Variants in RWDD4 observed in about 807,000 individuals in gnomAD.
RWDD4 encodes RWD domain-containing protein 4.
In RWDD4, 16 loss-of-function variants were observed where a neutral mutation model predicts 30.0. The observed-to-expected ratio is 0.53, with a 90% CI of 0.36 to 0.81. The LOEUF (loss-of-function observed/expected upper bound fraction) is 0.81, where lower values mean the gene tolerates loss of function less well. Among genes scored for constraint, RWDD4 ranks in the 30% least tolerant of loss-of-function variants. RWDD4 has a pLI of 0.00. For synonymous variants in RWDD4, 45 were observed against 72.1 expected, an observed-to-expected ratio of 0.62 and a Z score of 1.90; for missense variants, 170 against 223.9, an observed-to-expected ratio of 0.76 and a Z score of 1.54.
chr4:183,645,346 C>G (rs1419391009), intron 7 of RWDD4, among the ~76,000 whole-genome samples: 3 of 152,040 alleles, frequency 2.0e-5, no homozygotes, highest in Admixed American at 2.0e-4. Context: ...GAAACTACAG[C>G]TAATACAAGA....
intron 4 of RWDD4, 77 bp from the exon 5 acceptor site, chr4:183,649,645 T>G (rs2111239753): frequency 1.4e-6 from 1 of 713,320 alleles, no homozygotes; most frequent in Admixed American, 2.6e-5. Flanking sequence ...TATCCTGAAG[T>G]GGGTTGATAA....
At chr4:183,655,431 G>A (rs1048917213) in intron 2 of RWDD4, among the ~76,000 whole-genome samples, 7 of 151,594 alleles carry the variant, frequency 4.6e-5, no homozygotes, top group South Asian at 4.2e-4. Context: ...ACAGGCGCCC[G>A]CCACCATGCC....
intron 1 of RWDD4, among the ~76,000 whole-genome samples, chr4:183,658,042 T>TA (rs1734245474): frequency 6.6e-6 from 1 of 152,246 alleles, no homozygotes; most frequent in Non-Finnish European, 1.5e-5. Context: ...CGCATTCACT[T>TA]AGAAATTCAC....
chr4:183,653,381 C>T (rs1734122414), intron 2 of RWDD4, among the ~76,000 whole-genome samples: 1 of 151,240 alleles, frequency 6.6e-6, no homozygotes. Context: ...CCAGCCTGGG[C>T]AACACAGCAA....
intron 2 of RWDD4, among the ~76,000 whole-genome samples, chr4:183,651,711 T>C (rs1734080215): frequency 6.6e-6 from 1 of 152,136 alleles, no homozygotes; most frequent in Non-Finnish European, 1.5e-5. Context: ...TCGACACACC[T>C]CATCTTTGTT....
intron 2 of RWDD4, among the ~76,000 whole-genome samples, chr4:183,654,575 G>A (rs1016038292): frequency 2.0e-5 from 3 of 151,762 alleles, no homozygotes; most frequent in Non-Finnish European, 2.9e-5. Context: ...AATGTCCTAG[G>A]GCATTCTGCA....
At position 183,652,425 on chromosome 4, in the gene RWDD4, C is replaced by T. The variant is rs549853323; in HGVS notation, c.106-1098G>A. On this transcript the variant is annotated intron_variant, in intron 2 of 7. Transcript: ENST00000326397. ...GCCCAGGCTGGGGTCCAGCTGATCA[C>T]GGGGCGGTCACAGCGAGCTGAGATC... Among the ~76,000 whole-genome samples, 11 of 142,474 alleles carry T rather than the reference C, an allele frequency of 7.7e-5. 1 individual carries two copies. The highest frequency in any genetic ancestry group is 6.4e-4 in the East Asian group (3 of 4,694). The allele number at this position is 142,474 out of a possible 152,430, so 93.5% of individuals were successfully genotyped here. A position where few individuals can be genotyped will look rare whatever the true frequency, so the allele number is the denominator to read the frequency against.
chr4:183,646,244 T>C (rs996654255), intron 7 of RWDD4, 107 bp downstream of exon 7: 61 of 711,136 alleles, frequency 8.6e-5, no homozygotes, highest in Middle Eastern at 5.9e-4. Context: ...TCATACTATA[T>C]TGTAGTTTTA....
chr4:183,658,751 C>A (rs1734281477), intron 1 of RWDD4, among the ~76,000 whole-genome samples, 178 bp downstream of exon 1: 1 of 152,182 alleles, frequency 6.6e-6, no homozygotes, highest in African/African-American at 2.4e-5. Flanking sequence ...GTGGCAGAGG[C>A]GGACTCCTGG....
intron 2 of RWDD4, among the ~76,000 whole-genome samples, chr4:183,652,358 TGGC>T (rs1252873542): frequency 1.6e-5 from 2 of 127,424 alleles, no homozygotes; most frequent in East Asian, 4.7e-4. Context: ...CCCTCTCCCC[TGGC>T]TTTTTTTTTT....
At chr4:183,645,179 T>C (rs1214174587) in intron 7 of RWDD4, among the ~76,000 whole-genome samples, 3 of 152,198 alleles carry the variant, frequency 2.0e-5, no homozygotes, top group Admixed American at 6.5e-5. Flanking sequence ...TTACCTGTAT[T>C]TGTGGGTCCT....
intron 7 of RWDD4, among the ~76,000 whole-genome samples, chr4:183,645,910 T>C (rs1455707316): frequency 2.0e-5 from 3 of 152,224 alleles, no homozygotes; most frequent in African/African-American, 7.2e-5. Context: ...CTTTTCTTTT[T>C]CTGTTTTTTT....
intron 2 of RWDD4, among the ~76,000 whole-genome samples, chr4:183,652,516 T>TA (rs888599544): frequency 4.7e-5 from 7 of 150,402 alleles, no homozygotes; most frequent in Admixed American, 1.3e-4. Context: ...AAAAATAAAA[T>TA]AAAAAAAGAA....
chr4:183,643,670 AC>A (rs1427923747), intron 7 of RWDD4, among the ~76,000 whole-genome samples: 1 of 152,096 alleles, frequency 6.6e-6, no homozygotes, highest in Non-Finnish European at 1.5e-5. Flanking sequence ...TAATCCCAGC[AC>A]TTTGGGAGGC....
rs1020625779 is a variant in RWDD4, at chr4:183,649,596, C to T, written c.364-28G>A. 3.2e-6 allele frequency: 4 copies of T among 1,244,278 alleles called. No homozygotes were observed. In the African/African-American group the frequency reaches 6.0e-5, roughly 19 times the overall value. The allele number at this position is 1,244,278 out of a possible 1,614,324, so 77.1% of individuals were successfully genotyped here. On this transcript the variant is annotated intron_variant, in intron 4 of 7. Coordinates refer to ENST00000326397, the MANE Select transcript of RWDD4 (RefSeq NM_152682.4). ...AAAAAAAAAAAGAAATAATTCTCAGCCTCATACCTTACAACTTGTGTTACA... is the reference window on the plus strand; with the variant it reads ...AAAAAAAAAAAGAAATAATTCTCAGTCTCATACCTTACAACTTGTGTTACA...
Position 183,641,094 on chromosome 4 carries a change from T to C in RWDD4, c.*342A>G, listed in dbSNP as rs1001752197. Reference sequence around the variant, plus strand: ...ACTGGGATGATAGTTTGAAAAGGGCTTCATACTCCTTTAAGAAAATAGCAC... The same window carrying C: ...ACTGGGATGATAGTTTGAAAAGGGCCTCATACTCCTTTAAGAAAATAGCAC... On this transcript the variant is annotated 3_prime_UTR_variant, in exon 8 of 8. Transcript: ENST00000326397. The C allele has an allele frequency of 6.7e-6, 2 of 298,338 alleles. No individual in the cohort carries two copies. The highest frequency in any genetic ancestry group is 1.2e-5 in the Non-Finnish European group (2 of 160,752). The allele number at this position is 298,338 out of a possible 1,614,324, so 18.5% of individuals were successfully genotyped here.
At chr4:183,646,600 G>A (rs942294198) in intron 5 of RWDD4, 63 bp from the exon 6 acceptor site, 22 of 1,404,860 alleles carry the variant, frequency 1.6e-5, no homozygotes, top group Non-Finnish European at 2.0e-5. Flanking sequence ...TAATAATTAA[G>A]ATTTTATATA....
chr4:183,658,369 TC>T (rs1193238451), intron 1 of RWDD4, among the ~76,000 whole-genome samples: 1 of 152,092 alleles, frequency 6.6e-6, no homozygotes, highest in African/African-American at 2.4e-5. Context: ...TGATTCAATG[TC>T]AAAATGGCAT....
At chr4:183,652,361 C>CTTTTTTTTTTTT (rs59841926) in intron 2 of RWDD4, among the ~76,000 whole-genome samples, 2 of 123,316 alleles carry the variant, frequency 1.6e-5, no homozygotes, top group African/African-American at 3.2e-5. Flanking sequence ...TCTCCCCTGG[C>CTTTTTTTTTTTT]TTTTTTTTTT....
Sources: gnomAD v4.1 joint callset for allele counts (sites outside exome capture counted in the v4.1 genomes callset) on GRCh38, gnomAD v4.1.1 for gene constraint, MANE v1.5 for transcripts, NCBI Gene and HGNC (gene_info 2026-07-23, HGNC 2026-07-21) for gene names.